AKAP9: variants seen among roughly 807,000 people sequenced by gnomAD.
AKAP9 encodes A-kinase anchoring protein 9.
Under a neutral mutation model 488.5 loss-of-function variants are expected in AKAP9, and 311 were observed. The observed-to-expected ratio is 0.64, with a 90% CI of 0.58 to 0.70. AKAP9 has a LOEUF of 0.70. Among genes scored for constraint, AKAP9 ranks in the 30% least tolerant of loss-of-function variants. The pLI is 0.00. For missense variants in AKAP9, 4,215 were observed against 4,374.5 expected, an observed-to-expected ratio of 0.96 and a Z score of 1.03; for synonymous variants, 1,462 against 1,483.5, an observed-to-expected ratio of 0.99 and a Z score of 0.33.
chr7:91,971,551 CATCT>C (rs1268749099), intron 1 of AKAP9, among the ~76,000 whole-genome samples: 57 of 137,690 alleles, frequency 4.1e-4, no homozygotes, highest in South Asian at 2.0e-3. Flanking sequence ...TGTGGATATA[CATCT>C]ATTTCTTTTT....
At position 92,002,936 on chromosome 7, in the gene AKAP9, G is replaced by A. The variant is rs1240020798; in HGVS notation, c.3019G>A (p.Glu1007Lys). The A allele has an allele frequency of 6.2e-7, 1 of 1,611,732 alleles. No homozygotes were observed. Among genetic ancestry groups the A allele is most frequent in the Non-Finnish European group, 8.5e-7 (1 of 1,179,284 alleles). Reference sequence around the variant, plus strand: ...AATCATTATTAACCACAACAGGGCAGAAAATGTACAGTCATGTGATACTCA... The same window carrying A: ...AATCATTATTAACCACAACAGGGCAAAAAATGTACAGTCATGTGATACTCA... ...LEIIINHNRA[E>K]NVQSCDTQVS... The change falls in exon 8 of 50, where the codon GAA becomes AAA. Residue 1007 changes from glutamate to lysine, a missense_variant. Around this residue, in one of 5 missense-constraint regions of AKAP9, gnomAD observed 2,361 missense variants for 2,430.0 expected, o/e 0.97. Coordinates refer to ENST00000356239, the MANE Select transcript of AKAP9 (RefSeq NM_005751.5).
intron 12 of AKAP9, 98 bp downstream of exon 12, chr7:92,017,200 G>A (rs1757119483): frequency 2.2e-6 from 2 of 930,070 alleles, no homozygotes; most frequent in African/African-American, 1.6e-5. Flanking sequence ...TAAAGTAAGA[G>A]AACATGAAAA....
chr7:92,044,380 T>A (rs773073436), intron 20 of AKAP9, among the ~76,000 whole-genome samples: 42 of 152,296 alleles, frequency 2.8e-4, no homozygotes, highest in Non-Finnish European at 4.6e-4. Flanking sequence ...AAAAACGGCC[T>A]ATGATACTCT....
chr7:91,995,814 A>C lies in AKAP9; in HGVS notation c.930+14A>C. On this transcript the variant is annotated intron_variant, in intron 7 of 49. Transcript: ENST00000356239. ...GTATATGAAATGGTATGTTTATTTT[A>C]AGGAAGTCAGCTAACTTGTAGAAGC... is the stretch of plus-strand genomic sequence containing the variant. 6.3e-7 allele frequency: 1 copy of C among 1,581,740 alleles called. No individual in the cohort carries two copies.
chr7:91,980,495 C>CTTTTTTTTTTTTTTT lies in AKAP9; in HGVS notation c.351+171_351+185dup, dbSNP rs60385804. Among the ~76,000 whole-genome samples the CTTTTTTTTTTTTTTT allele has an allele frequency of 4.9e-4, 24 of 48,768 alleles. 8 individuals are homozygous for CTTTTTTTTTTTTTTT. Among genetic ancestry groups the CTTTTTTTTTTTTTTT allele is most frequent in the African/African-American group, 6.5e-4 (7 of 10,706 alleles). The allele number at this position is 48,768 out of a possible 152,430, so 32.0% of individuals were successfully genotyped here. ...GAACCTGAGGATTATGTATTACTGA[C>CTTTTTTTTTTTTTTT]TTTTTTTTTTTTTTTTTTTTTTTCA... On this transcript the variant is annotated intron_variant, in intron 3 of 49. Coordinates refer to ENST00000356239, the MANE Select transcript of AKAP9 (RefSeq NM_005751.5).
chr7:92,105,682 A>C lies in AKAP9; in HGVS notation c.11335A>C (p.Lys3779Gln), dbSNP rs886062479. ...VRVSIAISRM[K>Q]FLVRRWHRVT... ...TTATCTTGGAATCTTTTTTAGAATG[A>C]AATTTTTGGTTCGACGGTGGCATCG... Residue 3779 changes from lysine (K) to glutamine (Q), a missense_variant, in exon 47 of 50, where the codon AAA becomes CAA. Around this residue, in one of 5 missense-constraint regions of AKAP9, gnomAD observed 253 missense variants for 266.8 expected, o/e 0.95. Coordinates refer to ENST00000356239, the MANE Select transcript of AKAP9 (RefSeq NM_005751.5). The C allele has an allele frequency of 1.9e-6, 3 of 1,613,838 alleles. No individual in the cohort carries two copies. The highest frequency in any genetic ancestry group is 2.5e-6 in the Non-Finnish European group (3 of 1,179,678).
rs192032875 is a variant in AKAP9, at chr7:92,024,753, C to T, written c.4148+1744C>T. Among the ~76,000 whole-genome samples the T allele has an allele frequency of 3.9e-5, 6 of 152,112 alleles. No individual in the cohort carries two copies. In the East Asian group the frequency reaches 7.7e-4, roughly 20 times the overall value. The stretch of plus-strand genomic sequence containing the variant: ...ACTGTGGCTGGCTCTGCTATTGTAG[C>T]GCGGATGTCTTCCTAGACACTTGCT... On this transcript the variant is annotated intron_variant, in intron 14 of 49. Coordinates refer to ENST00000356239, the MANE Select transcript of AKAP9 (RefSeq NM_005751.5).
At chr7:91,984,552 G>C (rs561916924) in intron 3 of AKAP9, among the ~76,000 whole-genome samples, 1 of 152,300 alleles carries the variant, frequency 6.6e-6, no homozygotes, top group East Asian at 1.9e-4. Flanking sequence ...ATAGTTTGAA[G>C]TCAGGTAGTG....
Position 92,001,115 on chromosome 7 carries a change from A to T in AKAP9, c.1198A>T (p.Thr400Ser), listed in dbSNP as rs956614751. 5 of 1,614,048 alleles carry T rather than the reference A, an allele frequency of 3.1e-6. No individual in the cohort carries two copies. The highest frequency in any genetic ancestry group is 4.2e-6 in the Non-Finnish European group (5 of 1,179,974). ...TGAAGAAATAAAACAGTTAATGGGG[A>T]CAGTCGAAGAACTTCAGAAGAGAAA... Reference protein sequence around the residue: ...SSEEIKQLMGTVEELQKRNHK... With the variant: ...SSEEIKQLMGSVEELQKRNHK... The change falls in exon 8 of 50, where the codon ACA becomes TCA. Residue 400 changes from threonine (T) to serine (S), a missense_variant. Transcript: ENST00000356239.
At chr7:92,041,151 A>T in intron 18 of AKAP9, 2 of 427,070 alleles carry the variant, frequency 4.7e-6, no homozygotes, top group South Asian at 8.8e-5. Flanking sequence ...ATTTTATTTA[A>T]CTCCTTTTTC....
intron 26 of AKAP9, 149 bp downstream of exon 26, chr7:92,066,695 G>A (rs1810824184): frequency 5.0e-6 from 5 of 993,252 alleles, no homozygotes; most frequent in African/African-American, 1.6e-5. Context: ...AGCATGAGAA[G>A]GTAATTAACC....
At chr7:92,050,199 G>A (rs1216912316) in intron 21 of AKAP9, among the ~76,000 whole-genome samples, 1 of 151,418 alleles carries the variant, frequency 6.6e-6, no homozygotes, top group Non-Finnish European at 1.5e-5. Context: ...CAAGTAGCTG[G>A]AACTACAGGC....
chr7:92,010,755 G>GCAATCTCCTCATCTCAGCCTCCTAA (rs1800631630), intron 8 of AKAP9, among the ~76,000 whole-genome samples: 1 of 152,112 alleles, frequency 6.6e-6, no homozygotes, highest in South Asian at 2.1e-4. Context: ...CTGGACTCAG[G>GCAATCTCCTCATCTCAGCCTCCTAA]CAATCTCCTC....
At chr7:91,964,589 A>G (rs939508834) in intron 1 of AKAP9, among the ~76,000 whole-genome samples, 1 of 152,112 alleles carries the variant, frequency 6.6e-6, no homozygotes, top group Non-Finnish European at 1.5e-5. Flanking sequence ...TGTACCCCCT[A>G]AATCTATAAA....
intron 37 of AKAP9, among the ~76,000 whole-genome samples, chr7:92,088,873 C>G (rs1370144503): frequency 6.6e-6 from 1 of 152,082 alleles, no homozygotes; most frequent in Non-Finnish European, 1.5e-5. Flanking sequence ...TGATAATATA[C>G]TATGGTAATG....
At chr7:92,094,544 A>G (rs1015780509) in intron 39 of AKAP9, among the ~76,000 whole-genome samples, 3 of 149,302 alleles carry the variant, frequency 2.0e-5, no homozygotes, top group African/African-American at 7.4e-5. Flanking sequence ...AAAAAAAAAG[A>G]AAAAAGAGGG....
intron 28 of AKAP9, among the ~76,000 whole-genome samples, chr7:92,074,572 T>C (rs1169037309): frequency 2.6e-5 from 4 of 152,228 alleles, no homozygotes; most frequent in Non-Finnish European, 5.9e-5. Context: ...CATAGGTTTA[T>C]TGCAGCACTA....
intron 8 of AKAP9, among the ~76,000 whole-genome samples, chr7:92,007,138 C>G (rs1049508984): frequency 2.6e-5 from 4 of 152,102 alleles, no homozygotes; most frequent in Admixed American, 2.6e-4. Flanking sequence ...ATCAGAATAG[C>G]TTTTGTCACT....
At position 92,084,687 on chromosome 7, in the gene AKAP9, A is replaced by C; in HGVS notation, c.8694A>C (p.Arg2898Ser). 2 of 1,610,670 alleles carry C rather than the reference A, an allele frequency of 1.2e-6. No homozygotes were observed. The highest frequency in any genetic ancestry group is 2.7e-5 in the African/African-American group (2 of 74,956). ...CACATTCTGATGCTTACCAGACTAG[A>C]GAAATATGCTCCAGTGGTAAGTTAT... Reference protein sequence around the residue: ...ELAHSDAYQTREICSSDSGSD... With the variant: ...ELAHSDAYQTSEICSSDSGSD... The change falls in exon 34 of 50, where the codon AGA becomes AGC. Residue 2898 changes from arginine to serine, a missense_variant. Arg to Ser is a moderately radical substitution (Grantham distance 110). Coordinates refer to ENST00000356239, the MANE Select transcript of AKAP9 (RefSeq NM_005751.5).
Sources: allele counts gnomAD v4.1 joint callset (sites outside exome capture counted in the v4.1 genomes callset), GRCh38; gene constraint gnomAD v4.1.1; regional missense constraint gnomAD v4.1.1; transcripts MANE v1.5; gene names NCBI Gene and HGNC (gene_info 2026-07-23, HGNC 2026-07-21).